Variants in CNTLN observed in about 807,000 individuals in gnomAD.
CNTLN encodes the protein centlein, centrosomal protein.
CNTLN carries 212 observed loss-of-function variants against 180.0 expected under a neutral mutation model. That is an observed-to-expected ratio of 1.18 (90% CI 1.05 to 1.32). The LOEUF is 1.32. Ranked by LOEUF, CNTLN falls within the 40% of genes most tolerant of loss-of-function variation. The probability of loss-of-function intolerance (pLI) is 0.00; values close to 1 mark genes in which losing one functional copy is unlikely to be tolerated. For synonymous variants in CNTLN, 722 were observed against 563.1 expected (o/e 1.28, Z -3.99); for missense variants, 2,095 against 1,610.9 (o/e 1.30, Z -5.14).
intron 3 of CNTLN, among the ~76,000 whole-genome samples, chr9:17,227,774 T>C (rs954122524): frequency 3.0e-4 from 46 of 152,234 alleles, no homozygotes; most frequent in East Asian, 2.9e-3. Flanking sequence ...GTTTTTCTTA[T>C]AGAAAATGTC....
At chr9:17,183,698 A>G (rs1436900538) in intron 2 of CNTLN, among the ~76,000 whole-genome samples, 1 of 152,062 alleles carries the variant, frequency 6.6e-6, no homozygotes, top group Non-Finnish European at 1.5e-5. Context: ...AGGCAAATGA[A>G]CTAGATATAA....
chr9:17,362,273 T>C (rs1286740812), intron 12 of CNTLN, among the ~76,000 whole-genome samples: 1 of 152,148 alleles, frequency 6.6e-6, no homozygotes, highest in African/African-American at 2.4e-5. Context: ...CCATCTTGCT[T>C]CAGTATGTTC....
intron 13 of CNTLN, among the ~76,000 whole-genome samples, chr9:17,382,136 G>A (rs777038722): frequency 6.6e-6 from 1 of 152,124 alleles, no homozygotes; most frequent in South Asian, 2.1e-4. Context: ...TATATGTTGC[G>A]AGCATATGGC....
intron 25 of CNTLN, among the ~76,000 whole-genome samples, chr9:17,488,896 C>G (rs1833013006): frequency 6.6e-6 from 1 of 152,088 alleles, no homozygotes. Context: ...GCTGCTGTTG[C>G]TGTTATACGT....
chr9:17,391,569 A>G (rs1826118338), intron 14 of CNTLN, among the ~76,000 whole-genome samples: 1 of 152,122 alleles, frequency 6.6e-6, no homozygotes, highest in African/African-American at 2.4e-5. Context: ...GTTGTCCCCA[A>G]ACTTAAATGG....
rs1237506653 is a variant in CNTLN, at chr9:17,366,716, A to C, written c.1986A>C (p.Glu662Asp). ...ATAGATGTGTGGCAGAGAGAAGAGA[A>C]GGTAAATTTTCAGAAAATAAATACT... ...ELNRCVAERR[E>D]EQLFRSGEDD... Residue 662 changes from glutamate to aspartate, a missense_variant and splice_region_variant, in exon 13 of 26, where the codon GAA becomes GAC. By Grantham distance (45) the Glu-to-Asp change is conservative. Transcript: ENST00000380647. 1.3e-6 allele frequency: 2 copies of C among 1,530,302 alleles called. No individual in the cohort carries two copies. The highest frequency in any genetic ancestry group is 1.8e-6 in the Non-Finnish European group (2 of 1,119,902). The allele number at this position is 1,530,302 out of a possible 1,614,324, so 94.8% of individuals were successfully genotyped here.
At chr9:17,334,201 A>T (rs964612476) in intron 10 of CNTLN, among the ~76,000 whole-genome samples, 2 of 152,090 alleles carry the variant, frequency 1.3e-5, no homozygotes, top group Non-Finnish European at 2.9e-5. Context: ...CTGGGATTAC[A>T]GGCGTGTGCC....
rs568251578 is a variant in CNTLN at position 17,394,278 on chromosome 9, G to A, written c.2080-256G>A. On this transcript the variant is annotated intron_variant, in intron 14 of 25. Coordinates refer to ENST00000380647, the MANE Select transcript of CNTLN (RefSeq NM_017738.4). ...ACTTATGATCTCAGAAGACACTGCA[G>A]TTTATTAGCATACTTAGTTCTGTCA... Among the ~76,000 whole-genome samples the A allele has an allele frequency of 1.7e-4, 26 of 152,244 alleles. 1 individual carries two copies. The South Asian group carries it at 4.8e-3, about 28-fold the overall frequency.
chr9:17,255,355 C>G (rs1176005034), intron 5 of CNTLN, among the ~76,000 whole-genome samples: 2 of 151,626 alleles, frequency 1.3e-5, no homozygotes, highest in Non-Finnish European at 3.0e-5. Flanking sequence ...GTTGAAGTAG[C>G]TTCCTTCTAT....
At chr9:17,445,559 A>G (rs1019752608) in intron 18 of CNTLN, among the ~76,000 whole-genome samples, 1 of 152,192 alleles carries the variant, frequency 6.6e-6, no homozygotes, top group African/African-American at 2.4e-5. Context: ...AGTGCGGTGC[A>G]AGATGTGCTT....
At chr9:17,270,737 G>C (rs1185363276) in intron 5 of CNTLN, among the ~76,000 whole-genome samples, 2 of 151,798 alleles carry the variant, frequency 1.3e-5, no homozygotes, top group Non-Finnish European at 2.9e-5. Context: ...TTTTGAGTCA[G>C]CTTCATATAA....
chr9:17,433,710 C>T (rs560451141), intron 18 of CNTLN, among the ~76,000 whole-genome samples: 1 of 152,092 alleles, frequency 6.6e-6, no homozygotes, highest in East Asian at 1.9e-4. Context: ...TCACTGTAAC[C>T]TCAAACTGCT....
chr9:17,488,847 T>C (rs1833009260), intron 25 of CNTLN, among the ~76,000 whole-genome samples: 1 of 152,100 alleles, frequency 6.6e-6, no homozygotes, highest in South Asian at 2.1e-4. Flanking sequence ...TGACTGGAGG[T>C]AAATTTAATG....
rs1261409725 is a variant in CNTLN, at chr9:17,214,122, A to G, written c.450-12081A>G. The stretch of plus-strand genomic sequence containing the variant: ...ATGATTTTAGCTGGTTATTTTGCTT[A>G]TTAGTTGATGCAGTTTCTTCCTAGC... On this transcript the variant is annotated intron_variant, in intron 2 of 25. Transcript: ENST00000380647. 3.9e-5 allele frequency among the ~76,000 whole-genome samples: 6 copies of G among 152,214 alleles called. No homozygotes were observed. The East Asian group carries it at 5.8e-4, about 15-fold the overall frequency.
At chr9:17,442,286 A>C (rs181280513) in intron 18 of CNTLN, among the ~76,000 whole-genome samples, 1 of 152,182 alleles carries the variant, frequency 6.6e-6, no homozygotes, top group Non-Finnish European at 1.5e-5. Context: ...ACATACCTTA[A>C]ATTTAAGAAG....
intron 2 of CNTLN, among the ~76,000 whole-genome samples, chr9:17,181,887 C>T (rs1000023909): frequency 3.3e-5 from 5 of 152,190 alleles, no homozygotes; most frequent in South Asian, 2.1e-4. Context: ...ACTGTCATCA[C>T]GGGAGGAAGG....
intron 2 of CNTLN, among the ~76,000 whole-genome samples, chr9:17,164,484 A>T (rs1416434555): frequency 0.012 from 412 of 34,972 alleles, 2 homozygotes; most frequent in African/African-American, 0.04. Context: ...TTTTTTTTTG[A>T]GGTGGAGTCT....
chr9:17,451,321 G>T (rs1457503605), intron 18 of CNTLN, among the ~76,000 whole-genome samples: 1 of 152,132 alleles, frequency 6.6e-6, no homozygotes, highest in Non-Finnish European at 1.5e-5. Context: ...ACAATAATAA[G>T]ATTTTAAAAT....
the CNTLN span, among the ~76,000 whole-genome samples, chr9:17,520,444 C>T: frequency 6.6e-6 from 1 of 152,196 alleles, no homozygotes; most frequent in Non-Finnish European, 1.5e-5. Context: ...CTGTTCTGGC[C>T]ACCAGGTCCT....
Sources: gnomAD v4.1 joint callset for allele counts (sites outside exome capture counted in the v4.1 genomes callset) on GRCh38, gnomAD v4.1.1 for gene constraint, MANE v1.5 for transcripts, NCBI Gene and HGNC (gene_info 2026-07-23, HGNC 2026-07-21) for gene names.